The following PIEZO2 variants were observed in gnomAD, a reference collection of about 807,000 sequenced individuals.
PIEZO2 encodes piezo-type mechanosensitive ion channel component 2.
Under a neutral mutation model 337.3 loss-of-function variants are expected in PIEZO2, and 172 were observed. The observed-to-expected ratio is 0.51, with a 90% CI of 0.45 to 0.58. The LOEUF (loss-of-function observed/expected upper bound fraction) is 0.58, where lower values mean the gene tolerates loss of function less well. Ranked by LOEUF, PIEZO2 falls within the 20% of genes least tolerant of loss-of-function variation. PIEZO2 has a pLI of 0.00. For missense variants in PIEZO2, 3,028 were observed against 3,391.3 expected, an observed-to-expected ratio of 0.89 and a Z score of 2.66; for synonymous variants, 1,251 against 1,228.5, an observed-to-expected ratio of 1.02 and a Z score of -0.38.
At chr18:11,006,734 T>C (rs553911679) in intron 2 of PIEZO2, among the ~76,000 whole-genome samples, 2 of 152,268 alleles carry the variant, frequency 1.3e-5, no homozygotes, top group South Asian at 4.1e-4. Flanking sequence ...TCTTCCTTCC[T>C]TCTTTGGTAT....
At chr18:10,777,035 C>T (rs903552638) in intron 18 of PIEZO2, among the ~76,000 whole-genome samples, 10 of 152,170 alleles carry the variant, frequency 6.6e-5, no homozygotes, top group African/African-American at 2.2e-4. Context: ...AGGATTTTGA[C>T]TTTGGGACTC....
intron 1 of PIEZO2, among the ~76,000 whole-genome samples, chr18:11,140,156 T>C (rs2040601537): frequency 6.6e-6 from 1 of 152,212 alleles, no homozygotes; most frequent in African/African-American, 2.4e-5. Flanking sequence ...CATGGACACC[T>C]GAGGCTCCCT....
At chr18:11,134,423 G>C (rs2040424736) in intron 1 of PIEZO2, among the ~76,000 whole-genome samples, 1 of 152,138 alleles carries the variant, frequency 6.6e-6, no homozygotes, top group South Asian at 2.1e-4. Flanking sequence ...AGTCCCAATT[G>C]TCCTTCCCTC....
In PIEZO2 at chr18:10,671,423, C is replaced by T; in HGVS notation, c.*104G>A. ...TTTTGTCTACCTATCAGAAGAGAAA[C>T]AAACCATTTCCGTCGAACTAGAAAT... On this transcript the variant is annotated 3_prime_UTR_variant, in exon 56 of 56. Transcript: ENST00000674853. The T allele has an allele frequency of 7.8e-7, 1 of 1,280,318 alleles. No homozygotes were observed. The highest frequency in any genetic ancestry group is 1.1e-6 in the Non-Finnish European group (1 of 951,936). The allele number at this position is 1,280,318 out of a possible 1,614,324, so 79.3% of individuals were successfully genotyped here.
chr18:10,849,589 A>T (rs1415952041), intron 7 of PIEZO2, among the ~76,000 whole-genome samples: 6 of 152,120 alleles, frequency 3.9e-5, no homozygotes, highest in Non-Finnish European at 5.9e-5. Context: ...CCGCCCAAGG[A>T]TCCCTGAACC....
chr18:10,887,694 GT>G (rs1363130018), intron 4 of PIEZO2, among the ~76,000 whole-genome samples: 1 of 152,198 alleles, frequency 6.6e-6, no homozygotes, highest in Non-Finnish European at 1.5e-5. Context: ...GTTGCATTCA[GT>G]TTTTTGTGTC....
At chr18:10,694,060 TG>T (rs1380903212) in intron 47 of PIEZO2, among the ~76,000 whole-genome samples, 5 of 152,214 alleles carry the variant, frequency 3.3e-5, no homozygotes, top group African/African-American at 1.2e-4. Flanking sequence ...GTGTCTCTTC[TG>T]GGTAACAATC....
chr18:10,922,744 C>T (rs1045697829), intron 3 of PIEZO2, among the ~76,000 whole-genome samples: 2 of 152,034 alleles, frequency 1.3e-5, no homozygotes, highest in Non-Finnish European at 2.9e-5. Flanking sequence ...GCTGTGAGTG[C>T]ATGGAGAGGC....
intron 4 of PIEZO2, among the ~76,000 whole-genome samples, chr18:10,889,390 T>C (rs1034136928): frequency 2.0e-5 from 3 of 152,198 alleles, no homozygotes; most frequent in African/African-American, 4.8e-5. Flanking sequence ...ATGAATTATT[T>C]TAAGGCTTTT....
chr18:11,056,659 C>A (rs558429610), intron 2 of PIEZO2, among the ~76,000 whole-genome samples: 1 of 152,228 alleles, frequency 6.6e-6, no homozygotes, highest in Admixed American at 6.5e-5. Context: ...CTGCAGGGAG[C>A]CAGGCAGGGT....
rs146078706 is a variant in PIEZO2, at chr18:10,937,567, G to A, written c.287-26339C>T. Among the ~76,000 whole-genome samples, 23 of 152,280 alleles carry A rather than the reference G, an allele frequency of 1.5e-4. 1 individual carries two copies. The East Asian group carries it at 4.3e-3, about 28-fold the overall frequency. ...TTATGTCTTTGTGCTCCATGTAACA[G>A]GTGAAAGCTCCATGTAACAGGTGAA... is the stretch of plus-strand genomic sequence containing the variant. On this transcript the variant is annotated intron_variant, in intron 3 of 55. Transcript: ENST00000674853.
At chr18:10,730,227 T>C (rs2036710175) in intron 36 of PIEZO2, among the ~76,000 whole-genome samples, 1 of 152,254 alleles carries the variant, frequency 6.6e-6, no homozygotes, top group South Asian at 2.1e-4. Flanking sequence ...TCATGGTATA[T>C]GTAAGTACTT....
Position 10,871,366 on chromosome 18 carries a change from T to C in PIEZO2, c.379A>G (p.Ile127Val). ...GTCAGACTAGCAATGAACATCCCGA[T>C]GTCAGGTACAAACACTCTGATCCCA... Reference protein sequence around the residue: ...GNGIRVFVPDIGMFIASLTIW... With the variant: ...GNGIRVFVPDVGMFIASLTIW... The change falls in exon 5 of 56, where the codon ATC (isoleucine) becomes GTC (valine). Residue 127 changes from isoleucine (I) to valine (V), a missense_variant. By Grantham distance (29) the Ile-to-Val change is conservative (BLOSUM62 3). This residue lies in a region of PIEZO2 where 542 missense variants were observed against 605.6 expected (regional missense o/e 0.89). Transcript: ENST00000674853. The C allele has an allele frequency of 1.3e-6, 2 of 1,537,424 alleles. No homozygotes were observed. Among genetic ancestry groups the C allele is most frequent in the Middle Eastern group, 3.3e-4 (2 of 5,990 alleles).
intron 10 of PIEZO2, among the ~76,000 whole-genome samples, chr18:10,801,138 C>T (rs1054231025): frequency 3.7e-4 from 56 of 152,330 alleles, no homozygotes; most frequent in Admixed American, 1.1e-3. Flanking sequence ...TTCCTACTTA[C>T]GAATTAGGCA....
At chr18:10,822,031 T>C (rs931179968) in intron 7 of PIEZO2, among the ~76,000 whole-genome samples, 1 of 152,224 alleles carries the variant, frequency 6.6e-6, no homozygotes, top group African/African-American at 2.4e-5. Context: ...TGAGACCCTT[T>C]AAAAATTGCT....
intron 5 of PIEZO2, among the ~76,000 whole-genome samples, chr18:10,860,020 C>T (rs2041831805): frequency 6.6e-6 from 1 of 152,096 alleles, no homozygotes; most frequent in African/African-American, 2.4e-5. Flanking sequence ...CTAGGGAGGA[C>T]AGACAGGAGG....
intron 1 of PIEZO2, among the ~76,000 whole-genome samples, chr18:11,095,911 T>C (rs1026184624): frequency 6.6e-6 from 1 of 152,222 alleles, no homozygotes; most frequent in Admixed American, 6.5e-5. Flanking sequence ...GCCTTAAGTT[T>C]ATTTGTAGTT....
Position 10,962,426 on chromosome 18 carries a change from C to G in PIEZO2, c.286+17109G>C, listed in dbSNP as rs954478591. 2.0e-5 allele frequency among the ~76,000 whole-genome samples: 3 copies of G among 152,156 alleles called. No individual in the cohort carries two copies. Among genetic ancestry groups the G allele is most frequent in the East Asian group, 1.9e-4 (1 of 5,174 alleles). On this transcript the variant is annotated intron_variant, in intron 3 of 55. Transcript: ENST00000674853. This position sits in a 1 kb window ranked among gnomAD's most constrained non-coding sequence, Gnocchi z 4.1. Reference sequence around the variant, plus strand: ...CCTTAACACTCCTGTGAGGGGACAACCCTAAAGCCTGGGATCCCAGGAGCT... The same window carrying G: ...CCTTAACACTCCTGTGAGGGGACAAGCCTAAAGCCTGGGATCCCAGGAGCT...
At chr18:10,922,253 TTC>T (rs911703134) in intron 3 of PIEZO2, among the ~76,000 whole-genome samples, 23 of 152,254 alleles carry the variant, frequency 1.5e-4, no homozygotes, top group African/African-American at 5.3e-4. Context: ...GCTTTAAAAT[TTC>T]TCTCTTTTGT....
Sources: gnomAD v4.1 joint callset for allele counts (sites outside exome capture counted in the v4.1 genomes callset) on GRCh38, gnomAD v4.1.1 for gene constraint, gnomAD v4.1.1 regional missense constraint, Gnocchi (gnomAD v3.1) non-coding constraint, MANE v1.5 for transcripts, NCBI Gene and HGNC (gene_info 2026-07-23, HGNC 2026-07-21) for gene names.